CCSER1: variants seen among roughly 807,000 people sequenced by gnomAD.
CCSER1 encodes the protein serine-rich coiled-coil domain-containing protein 1.
Under a neutral mutation model 82.0 loss-of-function variants are expected in CCSER1, and 41 were observed. The ratio of observed to expected loss-of-function variants is 0.50; its 90% CI spans 0.39 to 0.65. The LOEUF is 0.65. CCSER1 is among the 30% of genes least tolerant of loss of function. The pLI is 0.00. For synonymous variants in CCSER1, 414 were observed against 383.9 expected, an observed-to-expected ratio of 1.08 and a Z score of -0.92; for missense variants, 1,119 against 1,064.2, an observed-to-expected ratio of 1.05 and a Z score of -0.72.
Position 90,341,496 on chromosome 4 carries a change from A to G in CCSER1, c.1509+28449A>G, listed in dbSNP as rs567780642. Among the ~76,000 whole-genome samples the G allele has an allele frequency of 3.2e-4, 49 of 152,232 alleles. 1 individual carries two copies. Among genetic ancestry groups the G allele is most frequent in the African/African-American group, 1.1e-3 (46 of 41,602 alleles). Reference sequence around the variant, plus strand: ...TTTTAATAAACCTAGATATTTAAAAATTAATTTTTACATTATCCCCAAATA... The same window carrying G: ...TTTTAATAAACCTAGATATTTAAAAGTTAATTTTTACATTATCCCCAAATA... On this transcript the variant is annotated intron_variant, in intron 3 of 10. Coordinates refer to ENST00000509176, the MANE Select transcript of CCSER1 (RefSeq NM_001145065.2).
intron 5 of CCSER1, among the ~76,000 whole-genome samples, chr4:90,538,193 G>A (rs1449681389): frequency 6.6e-6 from 1 of 152,042 alleles, no homozygotes; most frequent in Non-Finnish European, 1.5e-5. Flanking sequence ...GTTTGCCTGT[G>A]AGTAGGGATG....
At position 91,138,533 on chromosome 4, in the gene CCSER1, C is replaced by T. The variant is rs1728698201; in HGVS notation, c.2217+52539C>T. 4.8e-5 allele frequency among the ~76,000 whole-genome samples: 2 copies of T among 41,706 alleles called. 1 individual carries two copies. The highest frequency in any genetic ancestry group is 1.1e-4 in the Non-Finnish European group (2 of 18,528). 27.4% of individuals were successfully genotyped at this position (41,706 alleles called of 152,430 possible). On this transcript the variant is annotated intron_variant, in intron 10 of 10. Coordinates refer to ENST00000509176, the MANE Select transcript of CCSER1 (RefSeq NM_001145065.2). ...TTCAGGACATAGGCGTGGGCAAGGA[C>T]TTCATGTCCAAAACACCAAAAGCAA... is the stretch of plus-strand genomic sequence containing the variant.
chr4:91,442,933 A>G (rs1279381559), intron 10 of CCSER1, among the ~76,000 whole-genome samples: 1 of 152,228 alleles, frequency 6.6e-6, no homozygotes, highest in Non-Finnish European at 1.5e-5. Flanking sequence ...ATACCATCTC[A>G]CACCAGTTAG....
chr4:90,303,495 C>T (rs574257446), intron 1 of CCSER1, among the ~76,000 whole-genome samples: 9 of 151,962 alleles, frequency 5.9e-5, no homozygotes, highest in African/African-American at 1.5e-4. Flanking sequence ...GAAATAATGC[C>T]GCATATCTAC....
Position 90,960,436 on chromosome 4 carries a change from A to G in CCSER1, c.2172+36989A>G, listed in dbSNP as rs553789823. ...TTGTCAGTCTTTACTCATTGCTCCT[A>G]TTTATTCTACCCAGTCTACATCATT... On this transcript the variant is annotated intron_variant, in intron 9 of 10. Coordinates refer to ENST00000509176, the MANE Select transcript of CCSER1 (RefSeq NM_001145065.2). 8.5e-5 allele frequency among the ~76,000 whole-genome samples: 13 copies of G among 152,234 alleles called. 1 individual carries two copies. Among genetic ancestry groups the G allele is most frequent in the African/African-American group, 3.1e-4 (13 of 41,550 alleles).
At chr4:90,446,742 C>A (rs775209765) in intron 4 of CCSER1, among the ~76,000 whole-genome samples, 7 of 152,116 alleles carry the variant, frequency 4.6e-5, no homozygotes, top group African/African-American at 1.7e-4. Context: ...ACAACTTTTG[C>A]GGAATGTGCC....
At chr4:90,805,501 C>T (rs965414427) in intron 7 of CCSER1, among the ~76,000 whole-genome samples, 1 of 152,146 alleles carries the variant, frequency 6.6e-6, no homozygotes, top group African/African-American at 2.4e-5. Context: ...CTGATCTAAT[C>T]CTGAAAGTCA....
chr4:90,741,934 G>A (rs1230168593), intron 7 of CCSER1, among the ~76,000 whole-genome samples: 1 of 152,158 alleles, frequency 6.6e-6, no homozygotes, highest in Non-Finnish European at 1.5e-5. Flanking sequence ...AGAACTACCT[G>A]AGACTGAGTA....
chr4:91,402,516 T>G (rs1311860709), intron 10 of CCSER1, among the ~76,000 whole-genome samples: 1 of 152,224 alleles, frequency 6.6e-6, no homozygotes, highest in African/African-American at 2.4e-5. Context: ...TCTAGAATTT[T>G]TATGGTTTTA....
intron 9 of CCSER1, among the ~76,000 whole-genome samples, chr4:91,076,664 C>A (rs1722028058): frequency 6.6e-6 from 1 of 151,964 alleles, no homozygotes; most frequent in African/African-American, 2.4e-5. Flanking sequence ...ACTTCTGTTT[C>A]TATTCATGAA....
intron 10 of CCSER1, among the ~76,000 whole-genome samples, chr4:91,270,775 G>T (rs1741964852): frequency 6.6e-6 from 1 of 152,074 alleles, no homozygotes; most frequent in Non-Finnish European, 1.5e-5. Flanking sequence ...CCTATTTGTG[G>T]TAATGGAAGG....
At chr4:90,703,657 C>T (rs1738647626) in intron 6 of CCSER1, among the ~76,000 whole-genome samples, 3 of 152,110 alleles carry the variant, frequency 2.0e-5, no homozygotes, top group Admixed American at 6.5e-5. Flanking sequence ...CTGGGTGCTC[C>T]TGTATTGGGT....
chr4:91,222,030 A>G (rs1051840707), intron 10 of CCSER1, among the ~76,000 whole-genome samples: 2 of 151,952 alleles, frequency 1.3e-5, no homozygotes, highest in South Asian at 2.1e-4. Flanking sequence ...AATATGCACA[A>G]TAATGTTGTT....
chr4:90,476,901 C>T (rs896688232), intron 5 of CCSER1, among the ~76,000 whole-genome samples: 8 of 151,840 alleles, frequency 5.3e-5, no homozygotes, highest in African/African-American at 1.7e-4. Flanking sequence ...TGGGACAACC[C>T]GATAATATGA....
intron 10 of CCSER1, among the ~76,000 whole-genome samples, chr4:91,434,926 T>G (rs1480647057): frequency 6.6e-6 from 1 of 152,200 alleles, no homozygotes; most frequent in Admixed American, 6.5e-5. Context: ...GTTTGAAATT[T>G]ATTTAGAGCA....
chr4:91,503,718 A>T (rs1301711272), intron 10 of CCSER1, among the ~76,000 whole-genome samples: 1 of 152,074 alleles, frequency 6.6e-6, no homozygotes, highest in Non-Finnish European at 1.5e-5. Flanking sequence ...ATATGTGCGT[A>T]AAAAAACTTT....
chr4:90,183,430 A>G (rs1278022291), intron 1 of CCSER1, among the ~76,000 whole-genome samples: 1 of 152,172 alleles, frequency 6.6e-6, no homozygotes, highest in Admixed American at 6.6e-5. Context: ...GGAGGTTGGC[A>G]GATGAGATTG....
At chr4:91,313,400 T>C (rs1356807140) in intron 10 of CCSER1, among the ~76,000 whole-genome samples, 2 of 151,928 alleles carry the variant, frequency 1.3e-5, no homozygotes, top group Admixed American at 6.6e-5. Context: ...AAGATCTTAT[T>C]TGGCTCCTGA....
chr4:91,528,643 G>T lies in CCSER1; in HGVS notation c.2218-69929G>T, dbSNP rs573122063. Among the ~76,000 whole-genome samples the T allele has an allele frequency of 1.8e-3, 268 of 152,198 alleles. 1 individual carries two copies. Among genetic ancestry groups the T allele is most frequent in the African/African-American group, 6.2e-3 (256 of 41,536 alleles). ...CACATATTAGAGACAATATGTTTTT[G>T]TTGAGTGAAGAAACTAAAATAATAA... is the stretch of plus-strand genomic sequence containing the variant. On this transcript the variant is annotated intron_variant, in intron 10 of 10. Transcript: ENST00000509176.
Sources: gnomAD v4.1 joint callset for allele counts (sites outside exome capture counted in the v4.1 genomes callset) on GRCh38, gnomAD v4.1.1 for gene constraint, MANE v1.5 for transcripts, NCBI Gene and HGNC (gene_info 2026-07-23, HGNC 2026-07-21) for gene names.